The following LRBA variants were observed in gnomAD, a reference collection of about 807,000 sequenced individuals.
The protein encoded by LRBA is LPS responsive beige-like anchor protein.
Under a neutral mutation model 330.0 loss-of-function variants are expected in LRBA, and 176 were observed. The ratio of observed to expected loss-of-function variants is 0.53; its 90% confidence interval spans 0.47 to 0.60. The LOEUF (loss-of-function observed/expected upper bound fraction) is 0.60, where lower values mean the gene tolerates loss of function less well. Ranked by LOEUF, LRBA falls within the 20% of genes least tolerant of loss-of-function variation. The pLI, the probability that LRBA is intolerant of heterozygous loss-of-function variation, is 0.00. For missense variants in LRBA, 3,259 were observed against 3,444.8 expected, an observed-to-expected ratio of 0.95 and a Z score of 1.35; for synonymous variants, 1,230 against 1,193.0, an observed-to-expected ratio of 1.03 and a Z score of -0.64.
chr4:150,784,365 A>T (rs1277129026), intron 34 of LRBA, among the ~76,000 whole-genome samples: 1 of 152,166 alleles, frequency 6.6e-6, no homozygotes. Flanking sequence ...TTGATATGCA[A>T]ATTTAGGCCA....
intron 42 of LRBA, among the ~76,000 whole-genome samples, chr4:150,481,857 A>C (rs1304106265): frequency 2.6e-5 from 4 of 152,094 alleles, no homozygotes; most frequent in Non-Finnish European, 1.5e-5. Flanking sequence ...AAATGTTTAC[A>C]ATTTGAGACT....
At chr4:150,460,428 T>C (rs1490818590) in intron 44 of LRBA, among the ~76,000 whole-genome samples, 1 of 151,814 alleles carries the variant, frequency 6.6e-6, no homozygotes, top group Non-Finnish European at 1.5e-5. Flanking sequence ...TATGGTTCTG[T>C]CACTCAGTTC....
chr4:150,933,686 A>G (rs1290322862), intron 2 of LRBA, among the ~76,000 whole-genome samples: 1 of 127,766 alleles, frequency 7.8e-6, no homozygotes, highest in African/African-American at 2.5e-5. Context: ...CCATGAACAC[A>G]TATTACTTAT....
At chr4:150,812,049 A>G (rs1201550099) in intron 31 of LRBA, among the ~76,000 whole-genome samples, 2 of 152,188 alleles carry the variant, frequency 1.3e-5, no homozygotes. Context: ...GTTATAAGAA[A>G]AAAATCACAT....
chr4:150,415,941 T>C (rs1309041859), intron 46 of LRBA, among the ~76,000 whole-genome samples: 2 of 152,182 alleles, frequency 1.3e-5, no homozygotes, highest in Non-Finnish European at 2.9e-5. Context: ...CTAACTAGAT[T>C]TTTTATGAGG....
chr4:150,605,692 T>C (rs901998403), intron 37 of LRBA, among the ~76,000 whole-genome samples: 1 of 152,026 alleles, frequency 6.6e-6, no homozygotes, highest in African/African-American at 2.4e-5. Context: ...ACATTCTGTA[T>C]AAATCTTGGT....
intron 37 of LRBA, among the ~76,000 whole-genome samples, chr4:150,602,797 T>C (rs2126531163): frequency 6.6e-6 from 1 of 152,304 alleles, no homozygotes; most frequent in African/African-American, 2.4e-5. Context: ...GGTTATAAAG[T>C]AATTAAAAGA....
At chr4:150,423,789 A>C in intron 46 of LRBA, 1 of 160,190 alleles carries the variant, frequency 6.2e-6, no homozygotes, top group Non-Finnish European at 1.3e-5. Flanking sequence ...GTTAGTTCTT[A>C]CTCTTTAGAG....
intron 37 of LRBA, among the ~76,000 whole-genome samples, chr4:150,665,821 CTG>C (rs2126844359): frequency 6.6e-6 from 1 of 152,304 alleles, no homozygotes; most frequent in Admixed American, 6.5e-5. Flanking sequence ...CTCCGGTAAA[CTG>C]TATTTCTACT....
At chr4:150,917,079 G>C (rs930195846) in intron 5 of LRBA, among the ~76,000 whole-genome samples, 8 of 151,752 alleles carry the variant, frequency 5.3e-5, no homozygotes, top group African/African-American at 1.9e-4. Flanking sequence ...CGTGAACCCA[G>C]GAGGCAGAGT....
chr4:150,814,636 TA>T (rs1176423813), intron 31 of LRBA, among the ~76,000 whole-genome samples: 8 of 150,180 alleles, frequency 5.3e-5, no homozygotes, highest in Non-Finnish European at 7.4e-5. Context: ...ACTGTTTTTT[TA>T]AAAATGGGGG....
intron 35 of LRBA, among the ~76,000 whole-genome samples, chr4:150,739,769 C>T (rs1254507733): frequency 6.6e-6 from 1 of 152,156 alleles, no homozygotes; most frequent in Admixed American, 6.6e-5. Flanking sequence ...AGTAGAGCCC[C>T]AGACAACAGC....
At chr4:150,639,749 A>G (rs573748112) in intron 37 of LRBA, among the ~76,000 whole-genome samples, 902 of 3,420 alleles carry the variant, frequency 0.26, 77 homozygotes, top group African/African-American at 0.41. Context: ...ATATATATAT[A>G]TATATATATA....
intron 47 of LRBA, among the ~76,000 whole-genome samples, chr4:150,401,553 C>A (rs1252988480): frequency 6.6e-6 from 1 of 152,086 alleles, no homozygotes; most frequent in African/African-American, 2.4e-5. Context: ...GGAGAAGTAA[C>A]TTCTAAGAAT....
chr4:150,489,041 AAT>A (rs1561248902), intron 41 of LRBA, among the ~76,000 whole-genome samples: 3 of 109,178 alleles, frequency 2.7e-5, no homozygotes, highest in Non-Finnish European at 5.2e-5. Context: ...TATTATATAT[AAT>A]ATATTATATA....
chr4:150,310,335 T>G lies in LRBA; in HGVS notation c.7743A>C (p.Gln2581His). 4 of 1,613,272 alleles carry G rather than the reference T, an allele frequency of 2.5e-6. No homozygotes were observed. Among genetic ancestry groups the G allele is most frequent in the Non-Finnish European group, 3.4e-6 (4 of 1,179,422 alleles). ...HRRQITDLLDQSIQVHSQCFV... is the reference protein window; with the variant it reads ...HRRQITDLLDHSIQVHSQCFV... ...AGCACTGGGAATGCACTTGAATACTTTGGTCTAAAAGGTCAGTGATTTGCC... is the reference window on the plus strand; with the variant it reads ...AGCACTGGGAATGCACTTGAATACTGTGGTCTAAAAGGTCAGTGATTTGCC... The change falls in exon 52 of 57, where the codon CAA becomes CAC. Residue 2581 changes from glutamine to histidine, a missense_variant. Coordinates refer to ENST00000651943, the MANE Select transcript of LRBA (RefSeq NM_001364905.1).
Position 150,471,746 on chromosome 4 carries a change from GA to G in LRBA, c.6552-8del. On this transcript the variant is annotated splice_region_variant and splice_polypyrimidine_tract_variant and intron_variant, in intron 42 of 56. Coordinates refer to ENST00000651943, the MANE Select transcript of LRBA (RefSeq NM_001364905.1). Reference sequence around the variant, plus strand: ...ACTAGCTAATGAAATACGTCTGCAAGAAAAAGAATTCAATGTGATATGATTA... The same window carrying G: ...ACTAGCTAATGAAATACGTCTGCAAGAAAAGAATTCAATGTGATATGATTA... 1.6e-6 allele frequency: 2 copies of G among 1,268,688 alleles called. No homozygotes were observed. The highest frequency in any genetic ancestry group is 2.3e-6 in the Non-Finnish European group (2 of 877,886). The allele number at this position is 1,268,688 out of a possible 1,614,324, so 78.6% of individuals were successfully genotyped here.
chr4:150,625,320 G>A (rs1342798520), intron 37 of LRBA, among the ~76,000 whole-genome samples: 1 of 152,194 alleles, frequency 6.6e-6, no homozygotes, highest in Non-Finnish European at 1.5e-5. Flanking sequence ...CAGTGTGGAT[G>A]CCAACTACTG....
At chr4:150,935,123 CCGAGA>C (rs1734952179) in intron 2 of LRBA, among the ~76,000 whole-genome samples, 1 of 150,984 alleles carries the variant, frequency 6.6e-6, no homozygotes, top group Non-Finnish European at 1.5e-5. Context: ...CTGCAGTGAG[CCGAGA>C]TTGCCCCATT....
Sources: gnomAD v4.1 joint callset for allele counts (sites outside exome capture counted in the v4.1 genomes callset) on GRCh38, gnomAD v4.1.1 for gene constraint, MANE v1.5 for transcripts, NCBI Gene and HGNC (gene_info 2026-07-23, HGNC 2026-07-21) for gene names.